CNTNAP2: variants seen among roughly 807,000 people sequenced by gnomAD.
CNTNAP2 encodes contactin associated protein 2.
CNTNAP2 carries 98 observed loss-of-function variants against 155.2 expected under a neutral mutation model. That is an observed-to-expected ratio of 0.63 (90% CI 0.54 to 0.75). The LOEUF is 0.75. CNTNAP2 is among the 30% of genes least tolerant of loss of function. The pLI is 0.00. For missense variants in CNTNAP2, 1,727 were observed against 1,688.1 expected (o/e 1.02, Z -0.40); for synonymous variants, 651 against 631.2 (o/e 1.03, Z -0.47).
chr7:147,106,580 T>G (rs553631745), intron 4 of CNTNAP2, among the ~76,000 whole-genome samples: 3 of 152,146 alleles, frequency 2.0e-5, no homozygotes, highest in Non-Finnish European at 4.4e-5. Context: ...TAAGGTCATA[T>G]TTTTTCTGAA....
chr7:146,943,918 G>A (rs963168846), intron 3 of CNTNAP2, among the ~76,000 whole-genome samples: 7 of 152,064 alleles, frequency 4.6e-5, no homozygotes, highest in East Asian at 3.9e-4. Context: ...CCAGCTCACC[G>A]CAATAGCAGT....
intron 12 of CNTNAP2, among the ~76,000 whole-genome samples, chr7:147,580,399 A>G (rs1017572842): frequency 6.6e-6 from 1 of 152,144 alleles, no homozygotes; most frequent in Admixed American, 6.5e-5. Context: ...GCTGAAGAGA[A>G]TATTAATTAC....
intron 1 of CNTNAP2, among the ~76,000 whole-genome samples, chr7:146,169,395 A>G (rs1014081897): frequency 3.3e-5 from 5 of 152,342 alleles, no homozygotes; most frequent in African/African-American, 9.6e-5. Flanking sequence ...AAATGTCTAT[A>G]TTGAAGGCAT....
At chr7:146,907,767 A>G (rs1796170611) in intron 3 of CNTNAP2, among the ~76,000 whole-genome samples, 2 of 151,348 alleles carry the variant, frequency 1.3e-5, no homozygotes, top group South Asian at 4.2e-4. Flanking sequence ...ACCAGCTAAC[A>G]TCATAATGAC....
At chr7:148,111,786 G>A (rs1229160623) in intron 15 of CNTNAP2, among the ~76,000 whole-genome samples, 2 of 152,358 alleles carry the variant, frequency 1.3e-5, no homozygotes, top group East Asian at 3.9e-4. Flanking sequence ...TCTTTCTGGA[G>A]TTTCTCAATT....
chr7:147,883,593 CT>C (rs1279186909), intron 13 of CNTNAP2, among the ~76,000 whole-genome samples: 1 of 152,112 alleles, frequency 6.6e-6, no homozygotes, highest in East Asian at 1.9e-4. Context: ...TGCAGCTATT[CT>C]TTAATCAACT....
At chr7:146,679,453 T>C (rs953003619) in intron 1 of CNTNAP2, among the ~76,000 whole-genome samples, 5 of 149,190 alleles carry the variant, frequency 3.4e-5, no homozygotes, top group Non-Finnish European at 7.4e-5. Flanking sequence ...CCTCCCAGGT[T>C]CAAGCAATTC....
chr7:148,022,732 C>T (rs1390717601), intron 15 of CNTNAP2, among the ~76,000 whole-genome samples: 1 of 151,716 alleles, frequency 6.6e-6, no homozygotes, highest in African/African-American at 2.4e-5. Flanking sequence ...TTGGACTCTG[C>T]GAATGGATGT....
At chr7:147,022,239 C>T (rs1163169326) in intron 3 of CNTNAP2, among the ~76,000 whole-genome samples, 1 of 152,052 alleles carries the variant, frequency 6.6e-6, no homozygotes, top group African/African-American at 2.4e-5. Context: ...TGAGTCATTG[C>T]CTGCCAGGAG....
At chr7:146,228,240 G>C (rs768017994) in intron 1 of CNTNAP2, among the ~76,000 whole-genome samples, 1 of 152,172 alleles carries the variant, frequency 6.6e-6, no homozygotes, top group Non-Finnish European at 1.5e-5. Context: ...TTAAATCTTT[G>C]TTTAGTAGTA....
chr7:147,233,280 C>T (rs759135857), intron 8 of CNTNAP2, among the ~76,000 whole-genome samples: 2 of 152,142 alleles, frequency 1.3e-5, no homozygotes, highest in East Asian at 1.9e-4. Context: ...GTCCATGACA[C>T]GGCTTGATGG....
intron 8 of CNTNAP2, among the ~76,000 whole-genome samples, chr7:147,265,282 C>T (rs1804581038): frequency 6.6e-6 from 1 of 152,210 alleles, no homozygotes; most frequent in Admixed American, 6.5e-5. Flanking sequence ...GGGCAGCAGC[C>T]ATCACTGTAG....
At position 148,217,268 on chromosome 7, in the gene CNTNAP2, C is replaced by T. The variant is rs545753779; in HGVS notation, c.3011-20C>T. ...TCAGACCTCTCCTCATTTTTCAATT[C>T]TCTCTCTCCTTTATAACAGATGTTG... On this transcript the variant is annotated intron_variant, in intron 18 of 23. Coordinates refer to ENST00000361727, the MANE Select transcript of CNTNAP2 (RefSeq NM_014141.6). 2 of 1,611,522 alleles carry T rather than the reference C, an allele frequency of 1.2e-6. No homozygotes were observed. Among genetic ancestry groups the T allele is most frequent in the Non-Finnish European group, 1.7e-6 (2 of 1,177,990 alleles).
At chr7:147,747,088 A>G (rs1040631971) in intron 13 of CNTNAP2, among the ~76,000 whole-genome samples, 12 of 152,210 alleles carry the variant, frequency 7.9e-5, no homozygotes, top group Non-Finnish European at 1.0e-4. Flanking sequence ...CTGAAACTCA[A>G]TAATACAGCA....
intron 1 of CNTNAP2, among the ~76,000 whole-genome samples, chr7:146,612,491 A>G (rs1019128507): frequency 2.0e-5 from 3 of 151,844 alleles, no homozygotes; most frequent in Non-Finnish European, 4.4e-5. Flanking sequence ...AAAAAGGAGT[A>G]TTTTTCAGGA....
intron 8 of CNTNAP2, among the ~76,000 whole-genome samples, chr7:147,285,268 A>T (rs923833915): frequency 7.2e-5 from 11 of 151,894 alleles, no homozygotes; most frequent in African/African-American, 2.6e-4. Flanking sequence ...TGAGCCCCTG[A>T]GTGACTGGAT....
At chr7:146,919,578 C>A (rs983062299) in intron 3 of CNTNAP2, among the ~76,000 whole-genome samples, 6 of 152,300 alleles carry the variant, frequency 3.9e-5, no homozygotes, top group Non-Finnish European at 5.9e-5. Flanking sequence ...GCAGCTGCTC[C>A]AGTGGAGGTA....
At chr7:147,159,002 A>G (rs1801976834) in intron 8 of CNTNAP2, among the ~76,000 whole-genome samples, 1 of 152,128 alleles carries the variant, frequency 6.6e-6, no homozygotes, top group African/African-American at 2.4e-5. Context: ...GTTATTTGAC[A>G]GAGGAAGTAA....
chr7:147,901,510 C>T (rs1799866800), intron 13 of CNTNAP2, among the ~76,000 whole-genome samples: 1 of 152,190 alleles, frequency 6.6e-6, no homozygotes, highest in Non-Finnish European at 1.5e-5. Flanking sequence ...CCTCTCAGCA[C>T]ATCTCTTCAG....
Sources: gnomAD v4.1 joint callset for allele counts (sites outside exome capture counted in the v4.1 genomes callset) on GRCh38, gnomAD v4.1.1 for gene constraint, MANE v1.5 for transcripts, NCBI Gene and HGNC (gene_info 2026-07-23, HGNC 2026-07-21) for gene names.